Variants in CFAP299 observed in about 807,000 individuals in gnomAD.
CFAP299 encodes the protein cilia- and flagella-associated protein 299.
In CFAP299, 21 loss-of-function variants were observed where a neutral mutation model predicts 27.0. The ratio of observed to expected loss-of-function variants is 0.78; its 90% confidence interval spans 0.55 to 1.12. CFAP299 has a LOEUF of 1.12. CFAP299 is among the 50% of genes most tolerant of loss of function. The pLI, the probability that CFAP299 is intolerant of heterozygous loss-of-function variation, is 0.00. For missense variants in CFAP299, 310 were observed against 276.6 expected, an observed-to-expected ratio of 1.12 and a Z score of -0.86; for synonymous variants, 104 against 98.1, an observed-to-expected ratio of 1.06 and a Z score of -0.36.
intron 4 of CFAP299, among the ~76,000 whole-genome samples, chr4:80,933,899 C>A (rs1227604586): frequency 6.6e-6 from 1 of 151,980 alleles, no homozygotes; most frequent in African/African-American, 2.4e-5. Context: ...TTTTTTCTTT[C>A]AAGTTTGAAG....
intron 2 of CFAP299, among the ~76,000 whole-genome samples, chr4:80,398,675 A>G (rs1418579032): frequency 6.6e-6 from 1 of 152,252 alleles, no homozygotes; most frequent in African/African-American, 2.4e-5. Flanking sequence ...CTTACACCTT[A>G]TACTAAAATT....
chr4:80,852,691 A>G (rs1042522822), intron 3 of CFAP299, among the ~76,000 whole-genome samples: 1 of 152,088 alleles, frequency 6.6e-6, no homozygotes, highest in Non-Finnish European at 1.5e-5. Context: ...TCTAAGTAAG[A>G]TATGTTTATT....
At chr4:80,536,809 AT>A (rs1171122325) in intron 2 of CFAP299, among the ~76,000 whole-genome samples, 4 of 152,090 alleles carry the variant, frequency 2.6e-5, no homozygotes, top group African/African-American at 9.7e-5. Context: ...TGGGCAATGA[AT>A]TTTTTGGATA....
upstream of CFAP299, among the ~76,000 whole-genome samples, chr4:80,334,596 A>G (rs1192831861): frequency 6.6e-6 from 1 of 152,174 alleles, no homozygotes; most frequent in Admixed American, 6.5e-5. Flanking sequence ...CCAGTGTCCA[A>G]GGTTTTATCT....
chr4:80,808,407 G>A (rs1056121071), intron 3 of CFAP299, among the ~76,000 whole-genome samples: 3 of 152,096 alleles, frequency 2.0e-5, no homozygotes, highest in Non-Finnish European at 2.9e-5. Context: ...GCGCTGTGAT[G>A]TTGATCTGTA....
At chr4:80,725,519 G>A (rs925546665) in intron 3 of CFAP299, among the ~76,000 whole-genome samples, 9 of 152,160 alleles carry the variant, frequency 5.9e-5, no homozygotes, top group Non-Finnish European at 1.0e-4. Context: ...TTTTCCAAAG[G>A]TGAATCTCAC....
At chr4:80,807,093 A>T (rs1201013219) in intron 3 of CFAP299, among the ~76,000 whole-genome samples, 1 of 152,132 alleles carries the variant, frequency 6.6e-6, no homozygotes, top group Non-Finnish European at 1.5e-5. Context: ...TTGAAATCAA[A>T]TTATCTACCT....
rs114485698 is a variant in CFAP299, at chr4:80,368,131, C to A, written c.242+5247C>A. 3.2e-3 allele frequency among the ~76,000 whole-genome samples: 491 copies of A among 152,274 alleles called. 2 individuals are homozygous for A. The highest frequency in any genetic ancestry group is 0.011 in the African/African-American group (459 of 41,540). On this transcript the variant is annotated intron_variant, in intron 2 of 5. Transcript: ENST00000358105. ...GCATGGTATCTGAAATGCAGATGAT[C>A]GGAATAAGTGGTAGCCCTGATGGAT...
intron 3 of CFAP299, among the ~76,000 whole-genome samples, chr4:80,713,086 G>A (rs1311823362): frequency 6.6e-6 from 1 of 152,174 alleles, no homozygotes; most frequent in East Asian, 1.9e-4. Context: ...GGGTATGTAG[G>A]AGTTAACCTA....
chr4:80,646,988 A>AGAGTGT (rs1491189749), intron 3 of CFAP299, among the ~76,000 whole-genome samples: 4 of 31,040 alleles, frequency 1.3e-4, no homozygotes, highest in African/African-American at 2.4e-4. Flanking sequence ...AGAGAGAGAG[A>AGAGTGT]GTGTGTGTGT....
intron 1 of CFAP299, among the ~76,000 whole-genome samples, chr4:80,340,097 A>T (rs913894739): frequency 6.6e-6 from 1 of 152,226 alleles, no homozygotes; most frequent in Admixed American, 6.5e-5. Flanking sequence ...ATGAAAATGG[A>T]GAGTGAATTT....
At chr4:80,868,232 CTTTG>C (rs1463324844) in intron 3 of CFAP299, among the ~76,000 whole-genome samples, 84 of 148,974 alleles carry the variant, frequency 5.6e-4, no homozygotes, top group Non-Finnish European at 7.9e-4. Context: ...TTGCAACTTT[CTTTG>C]ATTATTATTT....
chr4:80,861,677 G>A (rs967940089), intron 3 of CFAP299, among the ~76,000 whole-genome samples: 6 of 152,020 alleles, frequency 3.9e-5, no homozygotes, highest in African/African-American at 9.7e-5. Context: ...TTTGTTCAAC[G>A]ATGTAGTCTT....
intron 2 of CFAP299, among the ~76,000 whole-genome samples, chr4:80,450,550 T>C (rs1257210334): frequency 6.6e-6 from 1 of 152,090 alleles, no homozygotes; most frequent in East Asian, 1.9e-4. Flanking sequence ...TAGGGAAATA[T>C]TAAAAATACT....
upstream of CFAP299, among the ~76,000 whole-genome samples, chr4:80,330,795 TG>T (rs144788270): frequency 0.057 from 8,625 of 152,278 alleles, 288 homozygotes; most frequent in Middle Eastern, 0.18. Context: ...TCATACGGAT[TG>T]TAATGCCTTT....
At chr4:80,913,481 G>A (rs1459408367) in intron 4 of CFAP299, among the ~76,000 whole-genome samples, 1 of 152,166 alleles carries the variant, frequency 6.6e-6, no homozygotes, top group Non-Finnish European at 1.5e-5. Context: ...CTGAGACATA[G>A]GTTTCCCTCC....
chr4:80,907,492 T>G (rs1335422515), intron 4 of CFAP299, among the ~76,000 whole-genome samples: 4 of 152,152 alleles, frequency 2.6e-5, no homozygotes, highest in African/African-American at 9.7e-5. Flanking sequence ...TGAGACTGGG[T>G]GATTTATAAA....
At chr4:80,437,533 G>A (rs1238260502) in intron 2 of CFAP299, among the ~76,000 whole-genome samples, 6 of 152,142 alleles carry the variant, frequency 3.9e-5, no homozygotes, top group Non-Finnish European at 8.8e-5. Flanking sequence ...ACTGAGTCAC[G>A]TTGCAGAAGA....
Position 80,877,464 on chromosome 4 carries a change from C to A in CFAP299, c.476+7329C>A, listed in dbSNP as rs79209873. On this transcript the variant is annotated intron_variant, in intron 4 of 5. Transcript: ENST00000358105. ...TATTCATGCACAGTTTGGTCCATTG[C>A]TTTAAAAGAAAAAGTCAGAATCCCA... Among the ~76,000 whole-genome samples the A allele has an allele frequency of 3.4e-3, 524 of 152,234 alleles. 1 individual carries two copies. Among genetic ancestry groups the A allele is most frequent in the Non-Finnish European group, 5.6e-3 (381 of 68,004 alleles).
Sources: gnomAD v4.1 joint callset for allele counts (sites outside exome capture counted in the v4.1 genomes callset) on GRCh38, gnomAD v4.1.1 for gene constraint, MANE v1.5 for transcripts, NCBI Gene and HGNC (gene_info 2026-07-23, HGNC 2026-07-21) for gene names.